The following EPHA6 variants were observed in gnomAD, a reference collection of about 807,000 sequenced individuals.
The protein encoded by EPHA6 is EPH receptor A6, also known as ephrin type-A receptor 6.
A neutral mutation model predicts 112.0 loss-of-function variants in EPHA6; 50 were observed. That is an observed-to-expected ratio of 0.45 (90% CI 0.36 to 0.56). The LOEUF is 0.56. Ranked by LOEUF, EPHA6 falls within the 20% of genes least tolerant of loss-of-function variation. EPHA6 has a pLI of 0.00. For missense variants in EPHA6, 1,280 were observed against 1,417.4 expected (o/e 0.90, Z 1.56); for synonymous variants, 529 against 490.7 (o/e 1.08, Z -1.03).
At chr3:97,048,190 G>A (rs192572161) in intron 3 of EPHA6, among the ~76,000 whole-genome samples, 57 of 152,250 alleles carry the variant, frequency 3.7e-4, no homozygotes, top group Admixed American at 2.0e-3. Flanking sequence ...GCTATGACAA[G>A]CATATCAAAT....
At chr3:96,990,084 TA>T (rs756873128) in intron 3 of EPHA6, among the ~76,000 whole-genome samples, 2 of 151,982 alleles carry the variant, frequency 1.3e-5, no homozygotes, top group African/African-American at 2.4e-5. Flanking sequence ...CATTACTTGG[TA>T]AAAAAAATAC....
At chr3:97,234,725 C>G (rs1383388837) in intron 4 of EPHA6, among the ~76,000 whole-genome samples, 1 of 151,930 alleles carries the variant, frequency 6.6e-6, no homozygotes, top group Non-Finnish European at 1.5e-5. Flanking sequence ...TTAAATTTTC[C>G]CATGTTCTTT....
At chr3:97,282,962 T>C (rs1287459275) in intron 5 of EPHA6, among the ~76,000 whole-genome samples, 3 of 152,042 alleles carry the variant, frequency 2.0e-5, no homozygotes, top group Non-Finnish European at 4.4e-5. Flanking sequence ...CAAACCTCCA[T>C]GTCCTGCACA....
intron 2 of EPHA6, among the ~76,000 whole-genome samples, chr3:96,895,996 T>C (rs951720969): frequency 1.3e-5 from 2 of 152,214 alleles, no homozygotes; most frequent in African/African-American, 4.8e-5. Context: ...AAGTAGGCTT[T>C]ATCATCCAGG....
At chr3:97,108,478 G>A (rs2047631329) in intron 3 of EPHA6, among the ~76,000 whole-genome samples, 1 of 152,116 alleles carries the variant, frequency 6.6e-6, no homozygotes, top group South Asian at 2.1e-4. Flanking sequence ...TTTCTTCAAA[G>A]TACAAGGCAT....
chr3:97,696,602 T>C (rs868545728), intron 14 of EPHA6, among the ~76,000 whole-genome samples: 1 of 152,140 alleles, frequency 6.6e-6, no homozygotes, highest in Admixed American at 6.5e-5. Context: ...ATAAGAACCA[T>C]ATCTGATTCA....
intron 3 of EPHA6, among the ~76,000 whole-genome samples, chr3:97,109,255 A>G (rs1182489204): frequency 6.6e-6 from 1 of 152,150 alleles, no homozygotes; most frequent in Non-Finnish European, 1.5e-5. Flanking sequence ...GCCTTGTAAA[A>G]CATGTAAATG....
rs1035043459 is a variant in EPHA6 at position 97,036,089 on chromosome 3, C to T, written c.1114+48096C>T. Reference sequence around the variant, plus strand: ...AGGCCCTCACCAAATACCGAATATGCCAGTGCCTCGATCTTGTGCTTCTCA... The same window carrying T: ...AGGCCCTCACCAAATACCGAATATGTCAGTGCCTCGATCTTGTGCTTCTCA... On this transcript the variant is annotated intron_variant, in intron 3 of 17. Transcript: ENST00000389672. 5.9e-5 allele frequency among the ~76,000 whole-genome samples: 9 copies of T among 151,908 alleles called. No homozygotes were observed. The South Asian group carries it at 8.3e-4, about 14-fold the overall frequency.
Position 97,757,362 on chromosome 3 carries a change from C to CA in EPHA6, c.*8666dup, listed in dbSNP as rs914077798. On this transcript the variant is annotated 3_prime_UTR_variant, in exon 18 of 18. Coordinates refer to ENST00000389672, the MANE Select transcript of EPHA6 (RefSeq NM_001080448.3). The stretch of plus-strand genomic sequence containing the variant: ...TTAGAAAGAAATGTCATCAAAATAT[C>CA]AAAAATAGGAAAAAGTTCATTTTAA... Among the ~76,000 whole-genome samples the CA allele has an allele frequency of 7.9e-5, 12 of 151,434 alleles. No homozygotes were observed. The highest frequency in any genetic ancestry group is 2.9e-4 in the African/African-American group (12 of 41,324).
rs145013141 is a variant in EPHA6, at chr3:97,616,092, C to T, written c.2574+5238C>T. Among the ~76,000 whole-genome samples, 334 of 152,270 alleles carry T rather than the reference C, an allele frequency of 2.2e-3. 1 individual carries two copies. Among genetic ancestry groups the T allele is most frequent in the African/African-American group, 7.8e-3 (324 of 41,572 alleles). On this transcript the variant is annotated intron_variant, in intron 13 of 17. Transcript: ENST00000389672. ...TGTTGGAACTGGCAACAGATCCATACCTCCTGGGACAGAGCTCACAGAGGA... is the reference window on the plus strand; with the variant it reads ...TGTTGGAACTGGCAACAGATCCATATCTCCTGGGACAGAGCTCACAGAGGA...
At chr3:97,287,296 G>C (rs948338869) in intron 5 of EPHA6, among the ~76,000 whole-genome samples, 3 of 151,950 alleles carry the variant, frequency 2.0e-5, no homozygotes, top group African/African-American at 7.3e-5. Context: ...CCAGTTCTTA[G>C]AGGAAAGGCT....
chr3:97,749,667 G>T lies in EPHA6; in HGVS notation c.*966G>T, dbSNP rs186783244. On this transcript the variant is annotated 3_prime_UTR_variant, in exon 18 of 18. Transcript: ENST00000389672. ...AGTAGAATTGCTTTGAATAAAATAC[G>T]TTAGATTATACCCTTAGATTTAATG... 1.3e-5 allele frequency among the ~76,000 whole-genome samples: 2 copies of T among 152,004 alleles called. No individual in the cohort carries two copies. The highest frequency in any genetic ancestry group is 4.8e-5 in the African/African-American group (2 of 41,384).
intron 5 of EPHA6, among the ~76,000 whole-genome samples, chr3:97,346,418 A>C (rs2083534102): frequency 6.6e-6 from 1 of 152,146 alleles, no homozygotes; most frequent in African/African-American, 2.4e-5. Flanking sequence ...AAACAGATAT[A>C]ATAAGTGTCT....
chr3:97,558,223 C>T (rs1436934797), intron 11 of EPHA6, among the ~76,000 whole-genome samples: 4 of 151,952 alleles, frequency 2.6e-5, no homozygotes, highest in African/African-American at 9.7e-5. Context: ...GATCCTTTTC[C>T]AGCTGAAGGC....
intron 14 of EPHA6, among the ~76,000 whole-genome samples, chr3:97,717,329 A>G (rs1276889686): frequency 6.6e-6 from 1 of 150,902 alleles, no homozygotes; most frequent in Non-Finnish European, 1.5e-5. Flanking sequence ...AAGTGTTTTG[A>G]AAAAAAAAAT....
chr3:96,928,320 T>TA (rs1327698329), intron 2 of EPHA6, among the ~76,000 whole-genome samples: 1 of 152,204 alleles, frequency 6.6e-6, no homozygotes, highest in Non-Finnish European at 1.5e-5. Flanking sequence ...TTCTGGTATA[T>TA]TAGCTGTTTG....
chr3:97,371,642 G>A (rs560794509), intron 5 of EPHA6, among the ~76,000 whole-genome samples: 1 of 152,258 alleles, frequency 6.6e-6, no homozygotes, highest in Admixed American at 6.5e-5. Context: ...CAGGATAACA[G>A]CAATGTTCAA....
At chr3:97,238,540 G>A (rs928086479) in intron 4 of EPHA6, among the ~76,000 whole-genome samples, 2 of 151,894 alleles carry the variant, frequency 1.3e-5, no homozygotes, top group African/African-American at 4.8e-5. Flanking sequence ...TTTGCTAAGT[G>A]TCAATCATCT....
At chr3:97,160,230 C>G (rs2076381036) in intron 3 of EPHA6, among the ~76,000 whole-genome samples, 2 of 152,232 alleles carry the variant, frequency 1.3e-5, no homozygotes, top group East Asian at 1.9e-4. Flanking sequence ...AAATCCTCCT[C>G]TGTGAAGGTC....
Sources: allele counts gnomAD v4.1 joint callset (sites outside exome capture counted in the v4.1 genomes callset), GRCh38; gene constraint gnomAD v4.1.1; transcripts MANE v1.5; gene names NCBI Gene and HGNC (gene_info 2026-07-23, HGNC 2026-07-21).